The following CC2D2B variants were observed in gnomAD, a reference collection of about 807,000 sequenced individuals.
The protein encoded by CC2D2B is protein CC2D2B.
A neutral mutation model predicts 161.2 loss-of-function variants in CC2D2B; 128 were observed. That is an observed-to-expected ratio of 0.79 (90% CI 0.69 to 0.92). CC2D2B has a LOEUF of 0.92. Among genes scored for constraint, CC2D2B ranks in the 40% least tolerant of loss-of-function variants. The pLI is 0.00. For missense variants in CC2D2B, 1,173 were observed against 1,375.1 expected (o/e 0.85, Z 2.32); for synonymous variants, 391 against 449.8 (o/e 0.87, Z 1.65).
chr10:95,946,852 G>A (rs2141318960), intron 9 of CC2D2B, among the ~76,000 whole-genome samples: 1 of 151,888 alleles, frequency 6.6e-6, no homozygotes, highest in African/African-American at 2.4e-5. Context: ...CAATGGCACA[G>A]ACTGAAGAGC....
At position 95,961,909 on chromosome 10, in the gene CC2D2B, T is replaced by C; in HGVS notation, c.1190T>C (p.Ile397Thr). The change falls in exon 12 of 35, where the codon ATT becomes ACT. Residue 397 changes from isoleucine to threonine, a missense_variant. Coordinates refer to ENST00000646931, the MANE Select transcript of CC2D2B (RefSeq NM_001349008.3). ...LHSILRTWKQ[I>T]KSLRHGQGFT... ...AGTATATTACGAACTTGGAAACAGA[T>C]TAAATCTCTTCGACATGGGCAAGGG... The C allele has an allele frequency of 8.1e-7, 1 of 1,231,542 alleles. No individual in the cohort carries two copies. The highest frequency in any genetic ancestry group is 1.0e-6 in the Non-Finnish European group (1 of 987,560). The allele number at this position is 1,231,542 out of a possible 1,614,324, so 76.3% of individuals were successfully genotyped here.
intron 32 of CC2D2B, chr10:96,020,263 A>T (rs1349403474): frequency 6.5e-6 from 1 of 153,418 alleles, no homozygotes; most frequent in African/African-American, 2.4e-5. Flanking sequence ...AGTAGGCTGG[A>T]GCAGGGATGG....
intron 12 of CC2D2B, among the ~76,000 whole-genome samples, chr10:95,965,054 T>C (rs1313407148): frequency 6.6e-6 from 1 of 152,132 alleles, no homozygotes; most frequent in Non-Finnish European, 1.5e-5. Flanking sequence ...CCAGACTGTT[T>C]GCCAAAACAG....
intron 24 of CC2D2B, among the ~76,000 whole-genome samples, chr10:95,997,172 T>C (rs1242306550): frequency 2.6e-5 from 4 of 152,234 alleles, no homozygotes; most frequent in Non-Finnish European, 4.4e-5. Context: ...ACATTGTTAT[T>C]TTTTTATTTT....
chr10:95,924,736 A>G, intron 4 of CC2D2B, 43 bp from the exon 5 acceptor site: 7 of 1,285,226 alleles, frequency 5.4e-6, no homozygotes, highest in African/African-American at 1.5e-5. Flanking sequence ...TATGAGCACA[A>G]TTATGTCTAT....
chr10:95,972,302 C>A, intron 16 of CC2D2B, 86 bp downstream of exon 16: 2 of 815,488 alleles, frequency 2.5e-6, no homozygotes, highest in Non-Finnish European at 3.3e-6. Flanking sequence ...CACATAAGTA[C>A]AAAATCCTGT....
intron 6 of CC2D2B, among the ~76,000 whole-genome samples, chr10:95,934,156 T>G (rs1271068716): frequency 6.6e-6 from 1 of 152,116 alleles, no homozygotes; most frequent in East Asian, 1.9e-4. Flanking sequence ...AGTTTGAACT[T>G]CCCCGTGGCT....
At chr10:95,942,292 G>A (rs949318594) in intron 9 of CC2D2B, among the ~76,000 whole-genome samples, 11 of 151,986 alleles carry the variant, frequency 7.2e-5, no homozygotes, top group Non-Finnish European at 1.3e-4. Flanking sequence ...TTAAACGAGG[G>A]TAGATCTCAT....
At chr10:95,938,406 TAGAG>T (rs926672613) in intron 7 of CC2D2B, 159 bp from the exon 8 acceptor site, 5 of 601,510 alleles carry the variant, frequency 8.3e-6, no homozygotes, top group African/African-American at 1.9e-5. Flanking sequence ...TATTTATATA[TAGAG>T]AGAGAGAGCG....
At chr10:95,965,457 C>T (rs913005922) in intron 12 of CC2D2B, among the ~76,000 whole-genome samples, 4 of 152,056 alleles carry the variant, frequency 2.6e-5, no homozygotes, top group African/African-American at 7.2e-5. Context: ...TATGCATAAA[C>T]ACCAACTATG....
intron 33 of CC2D2B, among the ~76,000 whole-genome samples, chr10:96,026,035 G>C (rs895957657): frequency 4.7e-4 from 72 of 152,124 alleles, no homozygotes; most frequent in African/African-American, 1.4e-3. Flanking sequence ...TAAAAATACA[G>C]GTATGAGCAT....
intron 11 of CC2D2B, among the ~76,000 whole-genome samples, chr10:95,961,343 C>T (rs1358025051): frequency 1.3e-5 from 2 of 152,110 alleles, no homozygotes; most frequent in Admixed American, 1.3e-4. Context: ...GTGTGCCCAA[C>T]ATGGTAAAAC....
chr10:95,935,086 G>A (rs1250187013), intron 6 of CC2D2B, among the ~76,000 whole-genome samples: 1 of 152,168 alleles, frequency 6.6e-6, no homozygotes, highest in Non-Finnish European at 1.5e-5. Context: ...GGCCAGGCTG[G>A]TCTCAAACTC....
At chr10:96,008,948 ACT>A (rs1268369667) in intron 25 of CC2D2B, among the ~76,000 whole-genome samples, 2 of 151,634 alleles carry the variant, frequency 1.3e-5, no homozygotes, top group Non-Finnish European at 2.9e-5. Context: ...GTATTTTGCA[ACT>A]CTGTTTGTAG....
chr10:95,921,721 C>T (rs145915216), intron 2 of CC2D2B: 46 of 165,338 alleles, frequency 2.8e-4, no homozygotes, highest in Non-Finnish European at 4.9e-4. Flanking sequence ...AAAGGGCTGA[C>T]GAATATTTGA....
At position 95,961,915 on chromosome 10, in the gene CC2D2B, C is replaced by A. The variant is rs1256282591; in HGVS notation, c.1196C>A (p.Ser399Tyr). 3.2e-6 allele frequency: 4 copies of A among 1,231,424 alleles called. No individual in the cohort carries two copies. The highest frequency in any genetic ancestry group is 4.1e-6 in the Non-Finnish European group (4 of 987,578). The allele number at this position is 1,231,424 out of a possible 1,614,324, so 76.3% of individuals were successfully genotyped here. Residue 399 changes from serine to tyrosine, a missense_variant, in exon 12 of 35, where the codon TCT becomes TAT. By Grantham distance (144) the Ser-to-Tyr change is moderately radical. Around this residue, in one of 3 missense-constraint regions of CC2D2B, gnomAD observed 298 missense variants for 261.2 expected, o/e 1.14. Transcript: ENST00000646931. The part of the protein sequence containing the change: ...SILRTWKQIK[S>Y]LRHGQGFTST... The stretch of plus-strand genomic sequence containing the variant: ...TTACGAACTTGGAAACAGATTAAAT[C>A]TCTTCGACATGGGCAAGGGTTTACA...
At chr10:95,967,147 A>G (rs1441616927) in intron 14 of CC2D2B, among the ~76,000 whole-genome samples, 2 of 152,190 alleles carry the variant, frequency 1.3e-5, no homozygotes, top group Admixed American at 1.3e-4. Flanking sequence ...CAGCAGACAC[A>G]AAGTCACAAT....
At chr10:95,997,943 C>T (rs1055941097) in intron 24 of CC2D2B, among the ~76,000 whole-genome samples, 5 of 152,296 alleles carry the variant, frequency 3.3e-5, no homozygotes, top group Admixed American at 2.0e-4. Context: ...ACACTCCCAA[C>T]AGCAGTATAT....
intron 3 of CC2D2B, among the ~76,000 whole-genome samples, chr10:95,922,566 ATAGT>A (rs1434838663): frequency 6.6e-6 from 1 of 152,232 alleles, no homozygotes; most frequent in African/African-American, 2.4e-5. Context: ...CTCATGACCT[ATAGT>A]TAGTTATTTA....
Sources: gnomAD v4.1 joint callset for allele counts (sites outside exome capture counted in the v4.1 genomes callset) on GRCh38, gnomAD v4.1.1 for gene constraint, gnomAD v4.1.1 regional missense constraint, MANE v1.5 for transcripts, NCBI Gene and HGNC (gene_info 2026-07-23, HGNC 2026-07-21) for gene names.